The following HS3ST4 variants were observed in gnomAD, a reference collection of about 807,000 sequenced individuals.
HS3ST4 encodes the protein heparan sulfate glucosamine 3-O-sulfotransferase 4.
Under a neutral mutation model 29.2 loss-of-function variants are expected in HS3ST4, and 17 were observed. The ratio of observed to expected loss-of-function variants is 0.58; its 90% CI spans 0.40 to 0.87. The LOEUF (loss-of-function observed/expected upper bound fraction) is 0.87, where lower values mean the gene tolerates loss of function less well. Ranked by LOEUF, HS3ST4 falls within the 40% of genes least tolerant of loss-of-function variation. HS3ST4 has a pLI of 0.00. For synonymous variants in HS3ST4, 314 were observed against 285.7 expected, an observed-to-expected ratio of 1.10 and a Z score of -1.00; for missense variants, 627 against 634.5, an observed-to-expected ratio of 0.99 and a Z score of 0.13.
chr16:25,846,754 A>G (rs934965851), intron 1 of HS3ST4, among the ~76,000 whole-genome samples: 1 of 152,110 alleles, frequency 6.6e-6, no homozygotes, highest in Non-Finnish European at 1.5e-5. Context: ...TAATCAATCT[A>G]TAATTTATTT....
chr16:25,928,540 T>C (rs531023818), intron 1 of HS3ST4, among the ~76,000 whole-genome samples: 3 of 152,342 alleles, frequency 2.0e-5, no homozygotes, highest in African/African-American at 7.2e-5. Flanking sequence ...GACCACCTCC[T>C]GTAGAATTCA....
intron 1 of HS3ST4, among the ~76,000 whole-genome samples, chr16:26,114,936 T>C (rs371845142): frequency 2.6e-5 from 4 of 152,302 alleles, no homozygotes; most frequent in African/African-American, 9.6e-5. Context: ...TCGCTCACTT[T>C]GGTCTTATTT....
intron 1 of HS3ST4, among the ~76,000 whole-genome samples, chr16:25,941,468 T>A (rs1046775530): frequency 1.3e-4 from 20 of 149,896 alleles, no homozygotes; most frequent in African/African-American, 4.9e-4. Flanking sequence ...CAATACCTGG[T>A]TTTTTATCCT....
intron 1 of HS3ST4, among the ~76,000 whole-genome samples, chr16:25,735,058 G>A (rs1244171210): frequency 3.9e-5 from 6 of 152,230 alleles, no homozygotes; most frequent in Non-Finnish European, 1.5e-5. Context: ...CACTTCAGAT[G>A]TCTGTGCCTT....
chr16:25,803,885 A>G (rs1240630143), intron 1 of HS3ST4, among the ~76,000 whole-genome samples: 3 of 151,964 alleles, frequency 2.0e-5, no homozygotes, highest in African/African-American at 4.8e-5. Flanking sequence ...GAAGTGCTTT[A>G]TTTTCCCTTT....
chr16:26,119,206 C>G (rs748591829), intron 1 of HS3ST4, among the ~76,000 whole-genome samples: 1 of 152,194 alleles, frequency 6.6e-6, no homozygotes, highest in Admixed American at 6.5e-5. Flanking sequence ...TTTCCTACCT[C>G]CCTCTCAGCT....
intron 1 of HS3ST4, among the ~76,000 whole-genome samples, chr16:25,948,468 G>A (rs1358854592): frequency 1.3e-5 from 2 of 151,876 alleles, no homozygotes; most frequent in African/African-American, 2.4e-5. Flanking sequence ...AAATGCACTC[G>A]ACCCCTCTTC....
chr16:25,798,247 G>A (rs368139808), intron 1 of HS3ST4, among the ~76,000 whole-genome samples: 47 of 152,304 alleles, frequency 3.1e-4, no homozygotes, highest in African/African-American at 1.1e-3. Flanking sequence ...GAGTATGAAA[G>A]CCAGGATACA....
chr16:25,871,867 C>T (rs921153490), intron 1 of HS3ST4, among the ~76,000 whole-genome samples: 15 of 152,064 alleles, frequency 9.9e-5, no homozygotes, highest in African/African-American at 1.7e-4. Context: ...AACTCTTCAC[C>T]GGCAACATGA....
At chr16:25,965,899 G>A (rs77100158) in intron 1 of HS3ST4, among the ~76,000 whole-genome samples, 5 of 152,064 alleles carry the variant, frequency 3.3e-5, no homozygotes, top group Admixed American at 1.3e-4. Flanking sequence ...GGCTGGTCTC[G>A]AACTCCGTTG....
chr16:25,950,995 A>ATGTTTT (rs1968679427), intron 1 of HS3ST4, among the ~76,000 whole-genome samples: 1 of 152,064 alleles, frequency 6.6e-6, no homozygotes, highest in Non-Finnish European at 1.5e-5. Context: ...CCTAAACAGC[A>ATGTTTT]TGTAGACTCC....
At chr16:25,805,253 A>G (rs1966978899) in intron 1 of HS3ST4, among the ~76,000 whole-genome samples, 2 of 152,230 alleles carry the variant, frequency 1.3e-5, no homozygotes, top group Non-Finnish European at 1.5e-5. Flanking sequence ...TTTTATTGGC[A>G]AAAGGAGAAG....
chr16:26,006,991 T>C (rs563953740), intron 1 of HS3ST4, among the ~76,000 whole-genome samples: 3 of 152,292 alleles, frequency 2.0e-5, no homozygotes, highest in Non-Finnish European at 4.4e-5. Flanking sequence ...ACGATGAGGG[T>C]TGGTTAGATC....
rs530637294 is a variant in HS3ST4 at position 25,757,146 on chromosome 16, T to C, written c.734+63995T>C. Among the ~76,000 whole-genome samples the C allele has an allele frequency of 1.6e-4, 25 of 152,302 alleles. 2 individuals are homozygous for C. In the East Asian group the frequency reaches 3.9e-3, roughly 24 times the overall value. ...GAGGACACTGTTTACATAGATATCATTGTGAATAGTGTTCTCTAGATTTTT... is the reference window on the plus strand; with the variant it reads ...GAGGACACTGTTTACATAGATATCACTGTGAATAGTGTTCTCTAGATTTTT... On this transcript the variant is annotated intron_variant, in intron 1 of 1. Coordinates refer to ENST00000331351, the MANE Select transcript of HS3ST4 (RefSeq NM_006040.3).
rs754766513 is a variant in HS3ST4 at position 25,692,820 on chromosome 16, G to A, written c.403G>A (p.Ala135Thr). ...GGGGCTGCCGAGCGGCGGCGGAGGC[G>A]CCCAGGACGCCTGGCTCCGGACCCC... The part of the protein sequence containing the change: ...GWGLPSGGGG[A>T]QDAWLRTPLA... The change falls in exon 1 of 2, where the codon GCC (alanine) becomes ACC (threonine). Residue 135 changes from alanine to threonine, a missense_variant. By Grantham distance (58) the Ala-to-Thr change is moderately conservative. This residue lies in a region of HS3ST4 where 402 missense variants were observed against 340.8 expected (regional missense o/e 1.18). Coordinates refer to ENST00000331351, the MANE Select transcript of HS3ST4 (RefSeq NM_006040.3). 4.3e-6 allele frequency: 6 copies of A among 1,386,488 alleles called. No homozygotes were observed. Among genetic ancestry groups the A allele is most frequent in the Non-Finnish European group, 5.6e-6 (6 of 1,078,630 alleles). 85.9% of individuals were successfully genotyped at this position (1,386,488 alleles called of 1,614,324 possible). A position where few individuals can be genotyped will look rare whatever the true frequency, so the allele number is the denominator to read the frequency against.
chr16:25,950,101 C>G (rs1044096223), intron 1 of HS3ST4, among the ~76,000 whole-genome samples: 6 of 152,072 alleles, frequency 3.9e-5, no homozygotes, highest in African/African-American at 1.2e-4. Context: ...ATTCCCTGAC[C>G]TAAATTTTGG....
At chr16:25,855,949 A>G (rs564309043) in intron 1 of HS3ST4, among the ~76,000 whole-genome samples, 1 of 152,156 alleles carries the variant, frequency 6.6e-6, no homozygotes, top group East Asian at 1.9e-4. Flanking sequence ...CCCTTTCCCC[A>G]GCTGGATAAG....
intron 1 of HS3ST4, among the ~76,000 whole-genome samples, chr16:26,029,417 CTT>C (rs532985339): frequency 6.9e-5 from 10 of 144,596 alleles, no homozygotes; most frequent in African/African-American, 7.6e-5. Context: ...AGGGGTAGTT[CTT>C]TTTTTTTTTT....
chr16:25,816,859 G>A (rs949816729), intron 1 of HS3ST4, among the ~76,000 whole-genome samples: 4 of 152,094 alleles, frequency 2.6e-5, no homozygotes, highest in African/African-American at 9.7e-5. Flanking sequence ...GGGGCTGAAT[G>A]TTCTAGCCTA....
Sources: gnomAD v4.1 joint callset for allele counts (sites outside exome capture counted in the v4.1 genomes callset) on GRCh38, gnomAD v4.1.1 for gene constraint, gnomAD v4.1.1 regional missense constraint, MANE v1.5 for transcripts, NCBI Gene and HGNC (gene_info 2026-07-23, HGNC 2026-07-21) for gene names.